Variants in IGSF6 observed in about 807,000 individuals in gnomAD.
The protein encoded by IGSF6 is immunoglobulin superfamily member 6, also known as down-regulated by activation (immunoglobulin superfamily).
Under a neutral mutation model 24.7 loss-of-function variants are expected in IGSF6, and 23 were observed. The observed-to-expected ratio is 0.93, with a 90% CI of 0.67 to 1.32. IGSF6 has a LOEUF of 1.32. Among genes scored for constraint, IGSF6 ranks in the 40% most tolerant of loss-of-function variants. The pLI is 0.00. For missense variants in IGSF6, 295 were observed against 293.6 expected (o/e 1.00, Z -0.04); for synonymous variants, 110 against 113.7 (o/e 0.97, Z 0.21).
At position 21,644,404 on chromosome 16, in the gene IGSF6, AC is replaced by A; in HGVS notation, c.428-9del. On this transcript the variant is annotated splice_polypyrimidine_tract_variant and intron_variant, in intron 2 of 5. Coordinates refer to ENST00000268389, the MANE Select transcript of IGSF6 (RefSeq NM_005849.4). ...TGCTGAGCAGCTTAATTTCTTAATG[AC>A]AAAAACAGAAAGAAGCACATTGACT... The A allele has an allele frequency of 6.3e-7, 1 of 1,588,300 alleles. No individual in the cohort carries two copies. Among genetic ancestry groups the A allele is most frequent in the Non-Finnish European group, 8.6e-7 (1 of 1,156,802 alleles).
intron 1 of IGSF6, among the ~76,000 whole-genome samples, chr16:21,648,511 C>T (rs1214314592): frequency 6.6e-6 from 1 of 152,202 alleles, no homozygotes; most frequent in Non-Finnish European, 1.5e-5. Flanking sequence ...GGACGTCTAG[C>T]CACAAGGTGT....
chr16:21,651,817 A>T (rs1966584058), intron 1 of IGSF6: 1 of 152,186 alleles, frequency 6.6e-6, no homozygotes, highest in South Asian at 2.1e-4. Context: ...CTTTAAAATA[A>T]TGCTAATTAA....
chr16:21,646,533 A>G (rs576779335), intron 2 of IGSF6: 11 of 166,996 alleles, frequency 6.6e-5, no homozygotes, highest in South Asian at 2.9e-4. Flanking sequence ...GGTACTTTAC[A>G]CTAAATCACT....
At chr16:21,649,378 CAA>C (rs1050340193) in intron 1 of IGSF6, among the ~76,000 whole-genome samples, 1 of 152,104 alleles carries the variant, frequency 6.6e-6, no homozygotes, top group African/African-American at 2.4e-5. Flanking sequence ...GCAAACCAGA[CAA>C]GAGGGTGCAG....
chr16:21,648,061 A>T (rs1966475973), intron 1 of IGSF6, among the ~76,000 whole-genome samples: 1 of 152,124 alleles, frequency 6.6e-6, no homozygotes, highest in South Asian at 2.1e-4. Flanking sequence ...GGGAAACATG[A>T]TAAAAGGCAA....
chr16:21,646,977 A>T (rs764338297), intron 2 of IGSF6, 156 bp downstream of exon 2: 2 of 1,007,698 alleles, frequency 2.0e-6, no homozygotes, highest in African/African-American at 3.1e-5. Context: ...CTTTAGTCCA[A>T]ACCTCATGGT....
At position 21,647,260 on chromosome 16, in the gene IGSF6, T is replaced by C. The variant is rs1314206515; in HGVS notation, c.300A>G (p.Gln100=). The C allele has an allele frequency of 6.2e-7, 1 of 1,614,170 alleles. No homozygotes were observed. The highest frequency in any genetic ancestry group is 2.2e-5 in the East Asian group (1 of 44,874). ...TCACTCTGTTTACAGTGAGGGAAAC[T>C]TGGTTTTCTTTGAGGGCCTCCCTCA... ...FTVREALKEN[Q]VSLTVNRVTS... is the part of the protein sequence containing the mutation. The change falls in exon 2 of 6, where the codon CAA becomes CAG. Residue 100 remains glutamine, a synonymous_variant. Transcript: ENST00000268389.
chr16:21,647,277 C>A lies in IGSF6; in HGVS notation c.283G>T (p.Ala95Ser). 6.2e-7 allele frequency: 1 copy of A among 1,614,146 alleles called. No individual in the cohort carries two copies. Among genetic ancestry groups the A allele is most frequent in the Non-Finnish European group, 8.5e-7 (1 of 1,180,012 alleles). ...SEADKFTVRE[A>S]LKENQVSLTV... ...AGGGAAACTTGGTTTTCTTTGAGGG[C>A]CTCCCTCACTGTGAACTTGTCTGCC... Residue 95 changes from alanine (A) to serine (S), a missense_variant, in exon 2 of 6, where the codon GCC (alanine) becomes TCC (serine). Coordinates refer to ENST00000268389, the MANE Select transcript of IGSF6 (RefSeq NM_005849.4).
Position 21,647,253 on chromosome 16 carries a change from G to A in IGSF6, c.307C>T (p.Leu103Phe), listed in dbSNP as rs541756545. 5 of 1,614,146 alleles carry A rather than the reference G, an allele frequency of 3.1e-6. No individual in the cohort carries two copies. In the South Asian group the frequency reaches 5.5e-5, roughly 18 times the overall value. ...REALKENQVS[L>F]TVNRVTSNDS... ...TTTGAAGTCACTCTGTTTACAGTGA[G>A]GGAAACTTGGTTTTCTTTGAGGGCC... The change falls in exon 2 of 6, where the codon CTC becomes TTC. Residue 103 changes from leucine (L) to phenylalanine (F), a missense_variant. Transcript: ENST00000268389.
chr16:21,647,258 A>G lies in IGSF6; in HGVS notation c.302T>C (p.Val101Ala), dbSNP rs752179827. ...AGTCACTCTGTTTACAGTGAGGGAA[A>G]CTTGGTTTTCTTTGAGGGCCTCCCT... Reference protein sequence around the residue: ...TVREALKENQVSLTVNRVTSN... With the variant: ...TVREALKENQASLTVNRVTSN... The change falls in exon 2 of 6, where the codon GTT becomes GCT. Residue 101 changes from valine (V) to alanine (A), a missense_variant. By Grantham distance (64) the Val-to-Ala change is moderately conservative. Transcript: ENST00000268389. 56 of 1,613,990 alleles carry G rather than the reference A, an allele frequency of 3.5e-5. No homozygotes were observed. The highest frequency in any genetic ancestry group is 4.7e-5 in the Non-Finnish European group (55 of 1,180,026).
rs1341308007 is a variant in IGSF6, at chr16:21,641,576, A to G, written c.684T>C (p.Thr228=). ...TNQQSEKDNN[T]YENRRVLSNY... is the part of the protein sequence containing the mutation. ...TGGAAAGTACTCTTCTGTTTTCATA[A>G]GTGTTGTTATCTTTCTCCTGCAATA... Residue 228 remains threonine, a synonymous_variant, in exon 6 of 6, where the codon ACT becomes ACC. Coordinates refer to ENST00000268389, the MANE Select transcript of IGSF6 (RefSeq NM_005849.4). The G allele has an allele frequency of 6.3e-7, 1 of 1,588,850 alleles. No homozygotes were observed. The highest frequency in any genetic ancestry group is 1.7e-4 in the Middle Eastern group (1 of 6,004).
intron 1 of IGSF6, 118 bp from the exon 2 acceptor site, chr16:21,647,610 A>G (rs1966465265): frequency 3.9e-6 from 5 of 1,293,016 alleles, no homozygotes; most frequent in Non-Finnish European, 5.2e-6. Flanking sequence ...TAATCCCAAT[A>G]TAAATAAGAC....
At chr16:21,644,239 T>G in intron 3 of IGSF6, 51 bp downstream of exon 3, 5 of 1,256,530 alleles carry the variant, frequency 4.0e-6, no homozygotes, top group Non-Finnish European at 5.8e-6. Flanking sequence ...ATTTTTCTTT[T>G]GATAATATTC....
At chr16:21,649,934 C>G (rs761873325) in intron 1 of IGSF6, among the ~76,000 whole-genome samples, 3 of 152,042 alleles carry the variant, frequency 2.0e-5, no homozygotes, top group Non-Finnish European at 4.4e-5. Flanking sequence ...GTCTTAAACT[C>G]CTGGGCTCAA....
In IGSF6 at chr16:21,647,336, G is replaced by C; in HGVS notation, c.224C>G (p.Pro75Arg). 1.2e-5 allele frequency: 19 copies of C among 1,614,172 alleles called. No homozygotes were observed. Among genetic ancestry groups the C allele is most frequent in the Non-Finnish European group, 1.6e-5 (19 of 1,180,032 alleles). Residue 75 changes from proline (P) to arginine (R), a missense_variant, in exon 2 of 6, where the codon CCT (proline) becomes CGT (arginine). Physicochemically the swap from Pro to Arg is moderately radical, Grantham distance 103 (BLOSUM62 -2). Coordinates refer to ENST00000268389, the MANE Select transcript of IGSF6 (RefSeq NM_005849.4). Reference sequence around the variant, plus strand: ...GCACCCGTCCAAGCACAGGTTCTCAGGCTGGTGAGCACCGTAGCGAAACCA... The same window carrying C: ...GCACCCGTCCAAGCACAGGTTCTCACGCTGGTGAGCACCGTAGCGAAACCA... ...CLWFRYGAHQ[P>R]ENLCLDGCKS... is the part of the protein sequence containing the mutation.
At chr16:21,651,973 CT>C in intron 1 of IGSF6, 1 of 152,186 alleles carries the variant, frequency 6.6e-6, no homozygotes, top group East Asian at 1.9e-4. Flanking sequence ...AAATTAAGAA[CT>C]TTCCCCCCTT....
At chr16:21,646,098 G>C (rs1966419298) in intron 2 of IGSF6, among the ~76,000 whole-genome samples, 1 of 152,008 alleles carries the variant, frequency 6.6e-6, no homozygotes, top group Non-Finnish European at 1.5e-5. Context: ...AAGGCGAGGA[G>C]TTGCTGCTGT....
Position 21,641,516 on chromosome 16 carries a change from T to C in IGSF6, c.*18A>G. The C allele has an allele frequency of 1.3e-6, 2 of 1,518,216 alleles. No individual in the cohort carries two copies. The highest frequency in any genetic ancestry group is 1.8e-6 in the Non-Finnish European group (2 of 1,099,874). The allele number at this position is 1,518,216 out of a possible 1,614,324, so 94.0% of individuals were successfully genotyped here. A position where few individuals can be genotyped will look rare whatever the true frequency, so the allele number is the denominator to read the frequency against. On this transcript the variant is annotated 3_prime_UTR_variant, in exon 6 of 6. Coordinates refer to ENST00000268389, the MANE Select transcript of IGSF6 (RefSeq NM_005849.4). ...TGGAGTTGGATTTTCAGTGACTTCA[T>C]TGAAAATTAAAACGTTTCTATGGCC...
At chr16:21,643,500 T>G (rs770174220) in intron 4 of IGSF6, 48 bp downstream of exon 4, 1 of 1,237,120 alleles carries the variant, frequency 8.1e-7, no homozygotes, top group Non-Finnish European at 1.2e-6. Flanking sequence ...TTGAAATCGT[T>G]ACAACCAGCC....
Sources: allele counts gnomAD v4.1 joint callset (sites outside exome capture counted in the v4.1 genomes callset), GRCh38; gene constraint gnomAD v4.1.1; transcripts MANE v1.5; gene names NCBI Gene and HGNC (gene_info 2026-07-23, HGNC 2026-07-21).